The following NELL2 variants were observed in gnomAD, a reference collection of about 807,000 sequenced individuals.
NELL2 encodes the protein neural EGFL like 2, also known as protein kinase C-binding protein NELL2.
Under a neutral mutation model 109.6 loss-of-function variants are expected in NELL2, and 41 were observed. The ratio of observed to expected loss-of-function variants is 0.37; its 90% CI spans 0.29 to 0.49. The LOEUF (loss-of-function observed/expected upper bound fraction) is 0.49. NELL2 is among the 20% of genes least tolerant of loss of function. The pLI, the probability that NELL2 is intolerant of heterozygous loss-of-function variation, is 0.98. For synonymous variants in NELL2, 355 were observed against 344.7 expected, an observed-to-expected ratio of 1.03 and a Z score of -0.33; for missense variants, 900 against 1,008.3, an observed-to-expected ratio of 0.89 and a Z score of 1.45.
At chr12:44,834,940 C>G (rs10785538) in intron 2 of NELL2, among the ~76,000 whole-genome samples, 1 of 151,924 alleles carries the variant, frequency 6.6e-6, no homozygotes, top group Non-Finnish European at 1.5e-5. Flanking sequence ...TTAAAGGCTT[C>G]AGGGACTAGC....
At chr12:44,747,577 A>G (rs1940443134) in intron 9 of NELL2, among the ~76,000 whole-genome samples, 1 of 152,132 alleles carries the variant, frequency 6.6e-6, no homozygotes, top group Non-Finnish European at 1.5e-5. Flanking sequence ...AAAATCTGGC[A>G]GGAATCCAAA....
intron 15 of NELL2, among the ~76,000 whole-genome samples, chr12:44,541,698 G>T (rs753115694): frequency 8.5e-5 from 13 of 152,124 alleles, no homozygotes; most frequent in Non-Finnish European, 1.6e-4. Context: ...TCTTCAGATT[G>T]AAAGGTCAAC....
At chr12:44,770,819 A>C (rs764255116) in intron 9 of NELL2, among the ~76,000 whole-genome samples, 2 of 152,154 alleles carry the variant, frequency 1.3e-5, no homozygotes, top group Non-Finnish European at 2.9e-5. Context: ...CAGATTCCCT[A>C]TTCTCATGAA....
chr12:44,771,299 G>T (rs1478819484), intron 9 of NELL2, among the ~76,000 whole-genome samples: 2 of 151,652 alleles, frequency 1.3e-5, no homozygotes, highest in African/African-American at 4.9e-5. Context: ...TTAGCAACTG[G>T]TCGATAAAAG....
At chr12:44,566,457 G>T (rs1019964580) in intron 15 of NELL2, among the ~76,000 whole-genome samples, 5 of 151,634 alleles carry the variant, frequency 3.3e-5, no homozygotes, top group African/African-American at 1.2e-4. Context: ...AAGTTAATCA[G>T]GAAAATAAAA....
intron 3 of NELL2, among the ~76,000 whole-genome samples, chr12:44,790,547 C>T (rs1942343267): frequency 6.6e-6 from 1 of 151,682 alleles, no homozygotes; most frequent in Admixed American, 6.6e-5. Flanking sequence ...TCACAGAGGA[C>T]CTATAAAACA....
chr12:44,860,992 G>T (rs1944824398), intron 2 of NELL2, among the ~76,000 whole-genome samples: 1 of 152,124 alleles, frequency 6.6e-6, no homozygotes, highest in African/African-American at 2.4e-5. Context: ...AAAGATGGTG[G>T]AATACAACTT....
chr12:44,563,312 A>AT (rs1384423568), intron 15 of NELL2, among the ~76,000 whole-genome samples: 18 of 152,100 alleles, frequency 1.2e-4, no homozygotes, highest in African/African-American at 4.1e-4. Flanking sequence ...TTAAAGTATA[A>AT]TAAAAAAAAA....
chr12:44,674,649 TA>T (rs1948248510), intron 12 of NELL2, among the ~76,000 whole-genome samples: 1 of 152,176 alleles, frequency 6.6e-6, no homozygotes, highest in Non-Finnish European at 1.5e-5. Context: ...TGTAGTGATA[TA>T]AAGACATTAA....
chr12:44,561,243 G>T (rs1344277559), intron 15 of NELL2, among the ~76,000 whole-genome samples: 1 of 152,172 alleles, frequency 6.6e-6, no homozygotes, highest in African/African-American at 2.4e-5. Context: ...GGAAATGTTG[G>T]AAGTATTCCC....
intron 9 of NELL2, among the ~76,000 whole-genome samples, chr12:44,760,736 C>CA (rs1941087098): frequency 6.6e-6 from 1 of 151,706 alleles, no homozygotes; most frequent in South Asian, 2.1e-4. Flanking sequence ...CTCATGTACA[C>CA]AAAAAATAAA....
intron 2 of NELL2, among the ~76,000 whole-genome samples, chr12:44,847,310 C>T (rs1249770402): frequency 6.6e-6 from 1 of 152,172 alleles, no homozygotes; most frequent in Admixed American, 6.5e-5. Flanking sequence ...GTGTGCTTTA[C>T]TTCTATTAAT....
chr12:44,664,967 G>T (rs1444051414), intron 13 of NELL2, among the ~76,000 whole-genome samples: 1 of 152,030 alleles, frequency 6.6e-6, no homozygotes, highest in Non-Finnish European at 1.5e-5. Flanking sequence ...CAAGACTTTA[G>T]ATGATACTAA....
At chr12:44,691,688 C>G (rs564654529) in intron 12 of NELL2, among the ~76,000 whole-genome samples, 1 of 152,236 alleles carries the variant, frequency 6.6e-6, no homozygotes, top group South Asian at 2.1e-4. Context: ...CTCCACAGAA[C>G]ACATGAATTA....
rs778579462 is a variant in NELL2 at position 44,508,900 on chromosome 12, C to A, written c.*34G>T. On this transcript the variant is annotated 3_prime_UTR_variant, in exon 20 of 20. Transcript: ENST00000429094. ...TTTGGTCTTTTAATGAAAGAACATTCTTTTAACAGAAATCTCCCATGAGAC... is the reference window on the plus strand; with the variant it reads ...TTTGGTCTTTTAATGAAAGAACATTATTTTAACAGAAATCTCCCATGAGAC... 6 of 1,581,470 alleles carry A rather than the reference C, an allele frequency of 3.8e-6. No homozygotes were observed. In the East Asian group the frequency reaches 6.8e-5, roughly 18 times the overall value.
In NELL2 at chr12:44,567,774, G is replaced by T. The variant is rs1256220167; in HGVS notation, c.1664-35053C>A. 3.3e-5 allele frequency among the ~76,000 whole-genome samples: 5 copies of T among 152,042 alleles called. No individual in the cohort carries two copies. The South Asian group carries it at 8.3e-4, about 25-fold the overall frequency. On this transcript the variant is annotated intron_variant, in intron 15 of 19. Coordinates refer to ENST00000429094, the MANE Select transcript of NELL2 (RefSeq NM_001145108.2). Reference sequence around the variant, plus strand: ...CTTAGGTATAGAAATGTATTTCCTGGCATAACTAAGCTACATACGATTGCC... The same window carrying T: ...CTTAGGTATAGAAATGTATTTCCTGTCATAACTAAGCTACATACGATTGCC...
chr12:44,816,562 G>A (rs1248450390), intron 2 of NELL2, among the ~76,000 whole-genome samples: 1 of 152,168 alleles, frequency 6.6e-6, no homozygotes, highest in Non-Finnish European at 1.5e-5. Flanking sequence ...GACACCTCAT[G>A]ACAGAAAACT....
chr12:44,668,732 C>A (rs1039386478), intron 12 of NELL2, among the ~76,000 whole-genome samples: 1 of 152,114 alleles, frequency 6.6e-6, no homozygotes, highest in Non-Finnish European at 1.5e-5. Flanking sequence ...ACATGTACCT[C>A]TTAGGGAACC....
rs1942139848 is a variant in NELL2 at position 44,532,790 on chromosome 12, A to G, written c.1664-69T>C. 7 of 1,443,188 alleles carry G rather than the reference A, an allele frequency of 4.9e-6. No individual in the cohort carries two copies. In the South Asian group the frequency reaches 7.0e-5, roughly 14 times the overall value. The allele number at this position is 1,443,188 out of a possible 1,614,324, so 89.4% of individuals were successfully genotyped here. On this transcript the variant is annotated intron_variant, in intron 15 of 19. Transcript: ENST00000429094. ...GAAAGAAACTAGAATATTCTGCTAC[A>G]AGGCTACTAAAATTTTTAATGCCAG... is the stretch of plus-strand genomic sequence containing the variant.
Sources: allele counts gnomAD v4.1 joint callset (sites outside exome capture counted in the v4.1 genomes callset), GRCh38; gene constraint gnomAD v4.1.1; transcripts MANE v1.5; gene names NCBI Gene and HGNC (gene_info 2026-07-23, HGNC 2026-07-21).